AGBL1: variants seen among roughly 807,000 people sequenced by gnomAD.
The protein encoded by AGBL1 is cytosolic carboxypeptidase 4.
Under a neutral mutation model 118.9 loss-of-function variants are expected in AGBL1, and 130 were observed. That is an observed-to-expected ratio of 1.09 (90% CI 0.95 to 1.26). AGBL1 has a LOEUF of 1.26. Ranked by LOEUF, AGBL1 falls within the 50% of genes most tolerant of loss-of-function variation. AGBL1 has a pLI of 0.00. For synonymous variants in AGBL1, 555 were observed against 478.9 expected, an observed-to-expected ratio of 1.16 and a Z score of -2.08; for missense variants, 1,584 against 1,298.1, an observed-to-expected ratio of 1.22 and a Z score of -3.38.
chr15:86,548,895 C>A (rs542741398), intron 20 of AGBL1, among the ~76,000 whole-genome samples: 1 of 152,098 alleles, frequency 6.6e-6, no homozygotes, highest in South Asian at 2.1e-4. Flanking sequence ...TCTGGGGAGG[C>A]CTCAGAAAGC....
At chr15:86,503,912 A>G (rs1344710081) in intron 18 of AGBL1, among the ~76,000 whole-genome samples, 1 of 151,626 alleles carries the variant, frequency 6.6e-6, no homozygotes, top group Non-Finnish European at 1.5e-5. Context: ...TGTTGGACCA[A>G]GTGTTCTATA....
chr15:86,498,755 G>A (rs2082883709), intron 18 of AGBL1, among the ~76,000 whole-genome samples: 1 of 151,836 alleles, frequency 6.6e-6, no homozygotes, highest in Non-Finnish European at 1.5e-5. Context: ...AAAAGGAAAG[G>A]AAATTCCCAT....
At chr15:86,761,068 C>A (rs997347118) in intron 22 of AGBL1, among the ~76,000 whole-genome samples, 2 of 152,042 alleles carry the variant, frequency 1.3e-5, no homozygotes, top group Admixed American at 6.6e-5. Flanking sequence ...GATGCTAATA[C>A]ATGTACACAA....
intron 1 of AGBL1, among the ~76,000 whole-genome samples, chr15:86,121,995 G>A (rs1238842149): frequency 3.3e-5 from 5 of 152,206 alleles, no homozygotes; most frequent in Non-Finnish European, 1.5e-5. Flanking sequence ...AACTCAGAAA[G>A]CAATTTGCTT....
chr15:86,900,848 C>G (rs1361465198), intron 22 of AGBL1, among the ~76,000 whole-genome samples: 7 of 152,160 alleles, frequency 4.6e-5, no homozygotes, highest in African/African-American at 1.4e-4. Context: ...TACCCTTCAG[C>G]ACTTGCAAAG....
intron 17 of AGBL1, among the ~76,000 whole-genome samples, chr15:86,383,805 G>T (rs2141965661): frequency 6.6e-6 from 1 of 152,230 alleles, no homozygotes; most frequent in South Asian, 2.1e-4. Context: ...AAGGATTTTG[G>T]ATCTTTCTCC....
chr15:86,139,577 G>C (rs776371016), intron 1 of AGBL1, among the ~76,000 whole-genome samples: 4 of 151,462 alleles, frequency 2.6e-5, no homozygotes, highest in Non-Finnish European at 5.9e-5. Flanking sequence ...TGGTTAACAT[G>C]GTGGAAACTC....
chr15:86,582,556 G>A (rs1448966346), intron 21 of AGBL1, among the ~76,000 whole-genome samples: 1 of 152,026 alleles, frequency 6.6e-6, no homozygotes, highest in African/African-American at 2.4e-5. Flanking sequence ...AAAGACACAT[G>A]CACACGTATG....
intron 22 of AGBL1, among the ~76,000 whole-genome samples, chr15:86,712,460 T>C (rs768283005): frequency 5.3e-5 from 8 of 152,052 alleles, no homozygotes; most frequent in South Asian, 2.1e-4. Context: ...GATTAGGCAA[T>C]TGGGCTTCAA....
chr15:86,216,374 T>G (rs1213666221), intron 5 of AGBL1, among the ~76,000 whole-genome samples: 1 of 152,174 alleles, frequency 6.6e-6, no homozygotes, highest in East Asian at 1.9e-4. Context: ...CTTTCTTCAT[T>G]AAGTATCATA....
At chr15:86,958,290 G>T (rs1408698320) in intron 23 of AGBL1, among the ~76,000 whole-genome samples, 2 of 151,718 alleles carry the variant, frequency 1.3e-5, no homozygotes, top group Non-Finnish European at 2.9e-5. Flanking sequence ...ATATTCAACA[G>T]TGTCCCTGGC....
At chr15:86,181,018 C>T (rs1231920109) in intron 5 of AGBL1, among the ~76,000 whole-genome samples, 2 of 152,034 alleles carry the variant, frequency 1.3e-5, no homozygotes, top group Non-Finnish European at 2.9e-5. Flanking sequence ...CTGACCATCA[C>T]AAGAATTGGC....
At chr15:86,507,613 G>A (rs1385506377) in intron 18 of AGBL1, among the ~76,000 whole-genome samples, 1 of 152,100 alleles carries the variant, frequency 6.6e-6, no homozygotes, top group Non-Finnish European at 1.5e-5. Context: ...AGGGTAATGA[G>A]CAGGTGAAAG....
intron 22 of AGBL1, among the ~76,000 whole-genome samples, chr15:86,720,783 C>T (rs11073657): frequency 0.97 from 148,359 of 152,200 alleles, 72,327 homozygotes; most frequent in East Asian, 0.99. Context: ...AAAAGAAGAA[C>T]CAAATAGACA....
chr15:86,640,431 A>C (rs940677802), intron 21 of AGBL1, among the ~76,000 whole-genome samples: 1 of 152,196 alleles, frequency 6.6e-6, no homozygotes, highest in Non-Finnish European at 1.5e-5. Context: ...ATTTCTGTCC[A>C]TCCTTGTGTG....
At chr15:86,319,523 A>T (rs1480223714) in intron 17 of AGBL1, among the ~76,000 whole-genome samples, 5 of 151,550 alleles carry the variant, frequency 3.3e-5, no homozygotes, top group Non-Finnish European at 7.4e-5. Context: ...TTTCTCTCAC[A>T]TTATATATGG....
rs534140268 is a variant in AGBL1 at position 86,332,909 on chromosome 15, CA to C, written c.2374+37502del. ...TGCTCTCTCAAAAACCACACAATTA[CA>C]TGGAAATTGAACAACTTGCTCCTGA... On this transcript the variant is annotated intron_variant, in intron 17 of 22. Coordinates refer to ENST00000614907, the MANE Select transcript of AGBL1 (RefSeq NM_001386094.1). 2.0e-5 allele frequency among the ~76,000 whole-genome samples: 3 copies of C among 152,252 alleles called. No homozygotes were observed. In the East Asian group the frequency reaches 5.8e-4, roughly 29 times the overall value.
chr15:86,702,296 A>G (rs2086373924), intron 22 of AGBL1, among the ~76,000 whole-genome samples: 1 of 152,130 alleles, frequency 6.6e-6, no homozygotes, highest in Non-Finnish European at 1.5e-5. Flanking sequence ...AATTCCCCAT[A>G]GACTAATAAA....
At chr15:86,873,538 G>A (rs753323470) in intron 22 of AGBL1, among the ~76,000 whole-genome samples, 6 of 152,124 alleles carry the variant, frequency 3.9e-5, no homozygotes, top group East Asian at 1.9e-4. Flanking sequence ...TGATGGTATG[G>A]AGAGGTAGAA....
Sources: gnomAD v4.1 joint callset for allele counts (sites outside exome capture counted in the v4.1 genomes callset) on GRCh38, gnomAD v4.1.1 for gene constraint, MANE v1.5 for transcripts, NCBI Gene and HGNC (gene_info 2026-07-23, HGNC 2026-07-21) for gene names.